LEPR: variants seen among roughly 807,000 people sequenced by gnomAD.
LEPR encodes the protein OB receptor.
LEPR carries 56 observed loss-of-function variants against 114.7 expected under a neutral mutation model. The observed-to-expected ratio is 0.49, with a 90% confidence interval of 0.39 to 0.61. The LOEUF is 0.61. LEPR is among the 20% of genes least tolerant of loss of function. The pLI, the probability that LEPR is intolerant of heterozygous loss-of-function variation, is 0.00. For synonymous variants in LEPR, 443 were observed against 461.4 expected, an observed-to-expected ratio of 0.96 and a Z score of 0.51; for missense variants, 1,202 against 1,352.9, an observed-to-expected ratio of 0.89 and a Z score of 1.75.
intron 19 of LEPR, 130 bp downstream of exon 19, chr1:65,623,111 GTTA>G (rs1387441433): frequency 3.4e-6 from 3 of 888,570 alleles, no homozygotes; most frequent in Non-Finnish European, 5.2e-6. Flanking sequence ...TAATATATCT[GTTA>G]TTATATACTT....
At chr1:65,557,279 AG>A (rs1430142754) in intron 2 of LEPR, among the ~76,000 whole-genome samples, 3 of 152,292 alleles carry the variant, frequency 2.0e-5, no homozygotes, top group Admixed American at 2.0e-4. Flanking sequence ...CCATAAGAAA[AG>A]TTAGAACAAA....
rs1380801740 is a variant in LEPR at position 65,546,025 on chromosome 1, T to C, written c.-20-19521T>C. ...GGATCCAGTTTCAGCTTTCTACATATGGCTAGCCAGTTTTCCCAGCACCAT... is the reference window on the plus strand; with the variant it reads ...GGATCCAGTTTCAGCTTTCTACATACGGCTAGCCAGTTTTCCCAGCACCAT... On this transcript the variant is annotated intron_variant, in intron 2 of 19. Transcript: ENST00000349533. Among the ~76,000 whole-genome samples, 8 of 151,516 alleles carry C rather than the reference T, an allele frequency of 5.3e-5. No homozygotes were observed. The East Asian group carries it at 9.7e-4, about 18-fold the overall frequency.
chr1:65,501,526 C>T (rs965498849), intron 2 of LEPR, among the ~76,000 whole-genome samples: 3 of 151,574 alleles, frequency 2.0e-5, no homozygotes, highest in Admixed American at 1.3e-4. Context: ...TCAACAATGA[C>T]CTCTCATCCT....
At chr1:65,609,303 G>A (rs1029791865) in intron 12 of LEPR, among the ~76,000 whole-genome samples, 1 of 152,186 alleles carries the variant, frequency 6.6e-6, no homozygotes, top group Non-Finnish European at 1.5e-5. Flanking sequence ...ATTTTTCCAA[G>A]GAACTGTTGT....
At position 65,633,635 on chromosome 1, in the gene LEPR, T is replaced by G; in HGVS notation, c.2674-2556T>G. The G allele has an allele frequency of 1.0e-6, 1 of 984,934 alleles. No individual in the cohort carries two copies. The highest frequency in any genetic ancestry group is 1.2e-6 in the Non-Finnish European group (1 of 829,212). The allele number at this position is 984,934 out of a possible 1,614,324, so 61.0% of individuals were successfully genotyped here. A position where few individuals can be genotyped will look rare whatever the true frequency, so the allele number is the denominator to read the frequency against. Reference sequence around the variant, plus strand: ...TATGGAATCAGTGAAAATATTTAGTTTGTATTTTTATGTCCAAACTTTTCC... The same window carrying G: ...TATGGAATCAGTGAAAATATTTAGTGTGTATTTTTATGTCCAAACTTTTCC... On this transcript the variant is annotated intron_variant, in intron 19 of 19. Transcript: ENST00000349533. The surrounding 1 kb of genome is among the most constrained non-coding windows in gnomAD (Gnocchi z 4.1).
chr1:65,619,736 A>G (rs983960507), intron 16 of LEPR, among the ~76,000 whole-genome samples, 192 bp from the exon 17 acceptor site: 2 of 152,168 alleles, frequency 1.3e-5, no homozygotes, highest in African/African-American at 2.4e-5. Flanking sequence ...TTGGAAAACT[A>G]TTGTCATGAC....
intron 1 of LEPR, among the ~76,000 whole-genome samples, chr1:65,423,364 G>GA (rs1409821056): frequency 3.3e-5 from 5 of 151,888 alleles, no homozygotes; most frequent in African/African-American, 1.2e-4. Context: ...TGTGATTCCT[G>GA]AAAAAAGAGG....
chr1:65,552,110 A>G (rs1652423409), intron 2 of LEPR, among the ~76,000 whole-genome samples: 1 of 152,094 alleles, frequency 6.6e-6, no homozygotes, highest in Admixed American at 6.6e-5. Flanking sequence ...TTTGCTGAGG[A>G]GTGTTTTACT....
intron 18 of LEPR, 133 bp downstream of exon 18, chr1:65,621,591 A>G: frequency 1.4e-6 from 1 of 738,882 alleles, no homozygotes; most frequent in Admixed American, 2.4e-5. Context: ...TACAATTAAG[A>G]TAGCATAAAA....
intron 19 of LEPR, among the ~76,000 whole-genome samples, chr1:65,632,787 T>C (rs1658576392): frequency 6.6e-6 from 1 of 152,106 alleles, no homozygotes; most frequent in Non-Finnish European, 1.5e-5. Flanking sequence ...TTCACTGCTC[T>C]CCTCTTTTAT....
rs971550858 is a variant in LEPR at position 65,577,926 on chromosome 1, A to G, written c.494+5477A>G. On this transcript the variant is annotated intron_variant, in intron 5 of 19. Coordinates refer to ENST00000349533, the MANE Select transcript of LEPR (RefSeq NM_002303.6). Reference sequence around the variant, plus strand: ...CTGCACCCATCAACCCGTCATCTACATTAGGTATTTCTCCTAATGCTATCC... The same window carrying G: ...CTGCACCCATCAACCCGTCATCTACGTTAGGTATTTCTCCTAATGCTATCC... 19 of 151,044 alleles carry G rather than the reference A, an allele frequency of 1.3e-4. 2 individuals are homozygous for G. The highest frequency in any genetic ancestry group is 4.7e-4 in the African/African-American group (19 of 40,384). 9.4% of individuals were successfully genotyped at this position (151,044 alleles called of 1,614,324 possible). A position where few individuals can be genotyped will look rare whatever the true frequency, so the allele number is the denominator to read the frequency against.
intron 2 of LEPR, chr1:65,432,540 C>G: frequency 2.4e-6 from 2 of 839,690 alleles, no homozygotes; most frequent in Non-Finnish European, 2.9e-6. Context: ...CACTTAACCT[C>G]TCTGGGTGTT....
In LEPR at chr1:65,637,164, T is replaced by C. The variant is rs1658746467; in HGVS notation, c.*149T>C. The stretch of plus-strand genomic sequence containing the variant: ...ATGTTGTCTGTTTGTTCTCTCTTAG[T>C]AACATAGACAAAAAATTTGAGAAAG... On this transcript the variant is annotated 3_prime_UTR_variant, in exon 20 of 20. Coordinates refer to ENST00000349533, the MANE Select transcript of LEPR (RefSeq NM_002303.6). 1 of 896,130 alleles carries C rather than the reference T, an allele frequency of 1.1e-6. No individual in the cohort carries two copies. Among genetic ancestry groups the C allele is most frequent in the East Asian group, 2.7e-5 (1 of 37,158 alleles). The allele number at this position is 896,130 out of a possible 1,614,324, so 55.5% of individuals were successfully genotyped here. A position where few individuals can be genotyped will look rare whatever the true frequency, so the allele number is the denominator to read the frequency against.
intron 2 of LEPR, among the ~76,000 whole-genome samples, chr1:65,493,616 A>G (rs147865189): frequency 5.7e-4 from 87 of 152,274 alleles, no homozygotes; most frequent in Non-Finnish European, 1.1e-3. Flanking sequence ...AGTGTTAAGT[A>G]TATTCACATT....
At chr1:65,444,215 C>A (rs1172117314) in intron 2 of LEPR, among the ~76,000 whole-genome samples, 2 of 151,282 alleles carry the variant, frequency 1.3e-5, no homozygotes. Context: ...GTGTTAAGAC[C>A]TGATACTTTT....
intron 2 of LEPR, among the ~76,000 whole-genome samples, chr1:65,481,939 T>C (rs1282672034): frequency 6.6e-6 from 1 of 151,724 alleles, no homozygotes; most frequent in Non-Finnish European, 1.5e-5. Flanking sequence ...TTTTATATGA[T>C]GATTTAATAT....
At chr1:65,511,381 G>A (rs920280375) in intron 2 of LEPR, among the ~76,000 whole-genome samples, 2 of 150,870 alleles carry the variant, frequency 1.3e-5, no homozygotes, top group Non-Finnish European at 2.9e-5. Flanking sequence ...AATTCATGTG[G>A]ACATCCAAAT....
chr1:65,522,025 T>G (rs566787954), intron 2 of LEPR, among the ~76,000 whole-genome samples: 1 of 152,316 alleles, frequency 6.6e-6, no homozygotes, highest in Non-Finnish European at 1.5e-5. Context: ...TGAATGCAAA[T>G]TTTTAAGATC....
intron 2 of LEPR, among the ~76,000 whole-genome samples, chr1:65,540,870 C>T (rs1570642923): frequency 2.0e-5 from 3 of 152,270 alleles, no homozygotes; most frequent in East Asian, 1.9e-4. Context: ...CTCACTCTGT[C>T]ACCCAGGCTA....
Sources: gnomAD v4.1 joint callset for allele counts (sites outside exome capture counted in the v4.1 genomes callset) on GRCh38, gnomAD v4.1.1 for gene constraint, Gnocchi (gnomAD v3.1) non-coding constraint, MANE v1.5 for transcripts, NCBI Gene and HGNC (gene_info 2026-07-23, HGNC 2026-07-21) for gene names.